SCN9A: variants seen among roughly 807,000 people sequenced by gnomAD.
The protein encoded by SCN9A is sodium voltage-gated channel alpha subunit 9, also known as sodium channel protein type 9 subunit alpha.
A neutral mutation model predicts 187.0 loss-of-function variants in SCN9A; 131 were observed. The ratio of observed to expected loss-of-function variants is 0.70; its 90% confidence interval spans 0.61 to 0.81. The LOEUF (loss-of-function observed/expected upper bound fraction) is 0.81. SCN9A is among the 30% of genes least tolerant of loss of function. The pLI, the probability that SCN9A is intolerant of heterozygous loss-of-function variation, is 0.00. For synonymous variants in SCN9A, 809 were observed against 808.6 expected, an observed-to-expected ratio of 1.00 and a Z score of -0.01; for missense variants, 2,252 against 2,396.6, an observed-to-expected ratio of 0.94 and a Z score of 1.26.
At chr2:166,330,044 G>A (rs1699463801) in intron 1 of SCN9A, among the ~76,000 whole-genome samples, 1 of 152,106 alleles carries the variant, frequency 6.6e-6, no homozygotes, top group South Asian at 2.1e-4. Flanking sequence ...TTCTATTCCT[G>A]TACTTGTCTA....
chr2:166,340,533 TTTCTTTCCCTTTCTTTCTTTCTTTCTTTC>T (rs1699742765), intron 1 of SCN9A, among the ~76,000 whole-genome samples: 3 of 118,030 alleles, frequency 2.5e-5, no homozygotes, highest in East Asian at 5.4e-4. Context: ...TCTCCTTTCT[TTTCTTTCCCTTTCTTTCTTTCTTTCTTTC>T]TTTCTTTCTT....
intron 1 of SCN9A, among the ~76,000 whole-genome samples, chr2:166,336,834 A>C (rs1310688516): frequency 2.0e-5 from 3 of 152,118 alleles, no homozygotes; most frequent in African/African-American, 7.2e-5. Flanking sequence ...TTAATAAAGG[A>C]TACCTGTGCT....
In SCN9A at chr2:166,374,877, T is replaced by A. The variant is rs1437313883; in HGVS notation, c.-51+820A>T. Among the ~76,000 whole-genome samples the A allele has an allele frequency of 2.0e-5, 3 of 152,048 alleles. No individual in the cohort carries two copies. In the East Asian group the frequency reaches 5.8e-4, roughly 29 times the overall value. On this transcript the variant is annotated intron_variant, in intron 1 of 26. Coordinates refer to ENST00000642356, the MANE Select transcript of SCN9A (RefSeq NM_001365536.1). ...CCCCTAAGTTTCTCATGTAAATTGCTCTTAACATCAGAGTAGATATAATCT... is the reference window on the plus strand; with the variant it reads ...CCCCTAAGTTTCTCATGTAAATTGCACTTAACATCAGAGTAGATATAATCT...
At chr2:166,283,085 T>C (rs1697566389) in intron 12 of SCN9A, among the ~76,000 whole-genome samples, 1 of 152,202 alleles carries the variant, frequency 6.6e-6, no homozygotes, top group African/African-American at 2.4e-5. Context: ...ATTGTGATAC[T>C]GATTTTTCTA....
At chr2:166,216,032 A>G (rs1364379402) in intron 24 of SCN9A, among the ~76,000 whole-genome samples, 1 of 152,124 alleles carries the variant, frequency 6.6e-6, no homozygotes, top group African/African-American at 2.4e-5. Flanking sequence ...TTAAAACATC[A>G]TTCACCATGA....
chr2:166,244,480 C>T (rs956670349), intron 18 of SCN9A, among the ~76,000 whole-genome samples: 4 of 152,000 alleles, frequency 2.6e-5, no homozygotes, highest in Non-Finnish European at 5.9e-5. Context: ...CTATAACTTA[C>T]CTTAAGGAAA....
At chr2:166,221,688 G>T (rs755299435) in intron 24 of SCN9A, among the ~76,000 whole-genome samples, 1 of 152,124 alleles carries the variant, frequency 6.6e-6, no homozygotes, top group East Asian at 1.9e-4. Flanking sequence ...ATGAGCCATT[G>T]CACCCAGTCC....
chr2:166,240,441 T>C (rs937263226), intron 19 of SCN9A, among the ~76,000 whole-genome samples: 5 of 152,232 alleles, frequency 3.3e-5, no homozygotes, highest in African/African-American at 1.2e-4. Context: ...ATGATTTATT[T>C]AAAATACACT....
intron 1 of SCN9A, among the ~76,000 whole-genome samples, chr2:166,366,841 T>A (rs1177535926): frequency 6.6e-6 from 1 of 152,170 alleles, no homozygotes; most frequent in Non-Finnish European, 1.5e-5. Flanking sequence ...AAGTACAGTA[T>A]CTAAGTGGAT....
intron 1 of SCN9A, among the ~76,000 whole-genome samples, chr2:166,366,635 T>C (rs1700424049): frequency 1.3e-5 from 2 of 152,248 alleles, no homozygotes; most frequent in Admixed American, 1.3e-4. Context: ...TTTCATTTTC[T>C]TCACATTCTC....
At chr2:166,244,412 G>T (rs1396561945) in intron 18 of SCN9A, among the ~76,000 whole-genome samples, 1 of 151,950 alleles carries the variant, frequency 6.6e-6, no homozygotes, top group African/African-American at 2.4e-5. Flanking sequence ...AGAAATTCCT[G>T]CTTGTCTGTT....
chr2:166,225,553 G>A (rs1450591745), intron 24 of SCN9A, among the ~76,000 whole-genome samples: 1 of 151,762 alleles, frequency 6.6e-6, no homozygotes, highest in Non-Finnish European at 1.5e-5. Context: ...TTCCTCATTT[G>A]TGAAAGAGAC....
chr2:166,274,263 G>A (rs955051777), intron 16 of SCN9A, among the ~76,000 whole-genome samples: 23 of 151,960 alleles, frequency 1.5e-4, no homozygotes, highest in African/African-American at 5.6e-4. Flanking sequence ...ATAACCTAGT[G>A]GGTATCACAA....
At chr2:166,247,826 A>G (rs1695862078) in intron 18 of SCN9A, among the ~76,000 whole-genome samples, 1 of 152,174 alleles carries the variant, frequency 6.6e-6, no homozygotes, top group African/African-American at 2.4e-5. Context: ...AAGCAGCACA[A>G]TATAAAACCA....
chr2:166,356,704 A>T (rs1346551609), intron 1 of SCN9A, among the ~76,000 whole-genome samples: 1 of 152,100 alleles, frequency 6.6e-6, no homozygotes, highest in African/African-American at 2.4e-5. Flanking sequence ...TTTTCTTTTC[A>T]TGCAAATAAT....
intron 7 of SCN9A, among the ~76,000 whole-genome samples, chr2:166,297,747 A>G (rs1427921561): frequency 6.6e-6 from 1 of 152,190 alleles, no homozygotes. Flanking sequence ...GTTTAAAAAA[A>G]GGAATTTTGT....
At chr2:166,278,789 A>G (rs897568642) in intron 14 of SCN9A, among the ~76,000 whole-genome samples, 9 of 152,206 alleles carry the variant, frequency 5.9e-5, no homozygotes, top group African/African-American at 1.9e-4. Flanking sequence ...AGAAGAGAAA[A>G]AAGTATTTAA....
chr2:166,217,297 G>A (rs1694373209), intron 24 of SCN9A, among the ~76,000 whole-genome samples: 1 of 151,958 alleles, frequency 6.6e-6, no homozygotes, highest in Non-Finnish European at 1.5e-5. Context: ...CATTTATCTG[G>A]GCAAGGATTT....
chr2:166,291,723 C>T (rs1698079782), intron 9 of SCN9A, among the ~76,000 whole-genome samples: 2 of 152,216 alleles, frequency 1.3e-5, no homozygotes, highest in South Asian at 2.1e-4. Flanking sequence ...CCCAAACAGA[C>T]ATATAGGCCA....
Sources: allele counts gnomAD v4.1 joint callset (sites outside exome capture counted in the v4.1 genomes callset), GRCh38; gene constraint gnomAD v4.1.1; transcripts MANE v1.5; gene names NCBI Gene and HGNC (gene_info 2026-07-23, HGNC 2026-07-21).